Variants in AGBL4 observed in about 807,000 individuals in gnomAD.
AGBL4 encodes the protein AGBL carboxypeptidase 4.
A neutral mutation model predicts 66.4 loss-of-function variants in AGBL4; 58 were observed. That is an observed-to-expected ratio of 0.87 (90% CI 0.71 to 1.09). The LOEUF (loss-of-function observed/expected upper bound fraction) is 1.09, where lower values mean the gene tolerates loss of function less well. AGBL4 is among the 50% of genes least tolerant of loss of function. The pLI is 0.00. For missense variants in AGBL4, 579 were observed against 631.0 expected (o/e 0.92, Z 0.88); for synonymous variants, 234 against 222.9 (o/e 1.05, Z -0.44).
At chr1:49,396,433 T>C (rs1644976947) in intron 3 of AGBL4, among the ~76,000 whole-genome samples, 2 of 152,076 alleles carry the variant, frequency 1.3e-5, no homozygotes. Flanking sequence ...TGGAAAGTAG[T>C]GGAAGAAGTG....
chr1:50,003,017 G>A (rs546577391), intron 1 of AGBL4, among the ~76,000 whole-genome samples: 17 of 152,246 alleles, frequency 1.1e-4, no homozygotes, highest in African/African-American at 2.6e-4. Flanking sequence ...AGCTAACGTG[G>A]AGGAAAATGA....
At chr1:49,555,715 C>A (rs1416291253) in intron 3 of AGBL4, among the ~76,000 whole-genome samples, 4 of 150,354 alleles carry the variant, frequency 2.7e-5, no homozygotes, top group Admixed American at 6.6e-5. Context: ...AAAAGTGGGC[C>A]AAGGATATGA....
At chr1:49,750,185 A>C (rs1651336121) in intron 2 of AGBL4, among the ~76,000 whole-genome samples, 1 of 152,168 alleles carries the variant, frequency 6.6e-6, no homozygotes. Flanking sequence ...AATATACAAG[A>C]GCGGTATTAC....
chr1:49,364,580 C>T (rs1235347205), intron 3 of AGBL4, among the ~76,000 whole-genome samples: 1 of 151,928 alleles, frequency 6.6e-6, no homozygotes, highest in Non-Finnish European at 1.5e-5. Context: ...CAGGTTCAAG[C>T]GATTCTCATG....
intron 6 of AGBL4, among the ~76,000 whole-genome samples, chr1:48,764,302 T>C (rs1035758750): frequency 2.0e-5 from 3 of 152,226 alleles, no homozygotes; most frequent in Non-Finnish European, 4.4e-5. Flanking sequence ...TCCTCATCTA[T>C]GAATTGAAGT....
In AGBL4 at chr1:49,860,696, C is replaced by CA. The variant is rs1260948965; in HGVS notation, c.35-9179dup. On this transcript the variant is annotated intron_variant, in intron 1 of 13. Coordinates refer to ENST00000371839, the MANE Select transcript of AGBL4 (RefSeq NM_032785.4). ...CCTGAGTGTCAGACAGATGCTGTCTCAAAAAAATAGTAATAAGGAGGCAGA... is the reference window on the plus strand; with the variant it reads ...CCTGAGTGTCAGACAGATGCTGTCTCAAAAAAAATAGTAATAAGGAGGCAGA... Among the ~76,000 whole-genome samples the CA allele has an allele frequency of 3.4e-5, 5 of 147,532 alleles. No individual in the cohort carries two copies. In the East Asian group the frequency reaches 7.9e-4, roughly 23 times the overall value.
intron 5 of AGBL4, among the ~76,000 whole-genome samples, chr1:49,009,885 A>C (rs1445237023): frequency 1.3e-5 from 2 of 152,114 alleles, no homozygotes. Flanking sequence ...ATCTCAAAAT[A>C]ATAAGAGCTA....
chr1:48,590,857 G>A lies in AGBL4; in HGVS notation c.1080C>T (p.Cys360=). The change falls in exon 10 of 14, where the codon TGC becomes TGT. Residue 360 remains cysteine, a synonymous_variant. Transcript: ENST00000371839. ...QRQAIFPKLL[C]QNAEDFSYSS... ...CATAGGAGAAGTCCTCAGCATTCTG[G>A]CAGAGGAGCTTGGGAAAAATGGCCT... 6 of 1,604,004 alleles carry A rather than the reference G, an allele frequency of 3.7e-6. No homozygotes were observed. The highest frequency in any genetic ancestry group is 4.3e-6 in the Non-Finnish European group (5 of 1,175,182).
At chr1:48,978,327 G>A (rs1319977852) in intron 5 of AGBL4, among the ~76,000 whole-genome samples, 2 of 152,124 alleles carry the variant, frequency 1.3e-5, no homozygotes, top group African/African-American at 4.8e-5. Flanking sequence ...TTCCTGCTAG[G>A]TTCTGCCAAT....
intron 3 of AGBL4, among the ~76,000 whole-genome samples, chr1:49,620,971 G>A (rs1186376106): frequency 6.6e-6 from 1 of 151,824 alleles, no homozygotes; most frequent in African/African-American, 2.4e-5. Context: ...ATTGTTAATA[G>A]TTTGGACAAC....
intron 4 of AGBL4, among the ~76,000 whole-genome samples, chr1:49,202,087 C>T (rs1460261622): frequency 1.3e-5 from 2 of 152,068 alleles, no homozygotes; most frequent in African/African-American, 4.8e-5. Context: ...AGAATAACTG[C>T]TAATGCACAG....
chr1:49,916,472 G>T (rs920135753), intron 1 of AGBL4, among the ~76,000 whole-genome samples: 1 of 152,210 alleles, frequency 6.6e-6, no homozygotes, highest in Non-Finnish European at 1.5e-5. Context: ...TCAACTCAAA[G>T]AAAGGGTATC....
intron 3 of AGBL4, among the ~76,000 whole-genome samples, chr1:49,363,717 A>G (rs1197862251): frequency 6.6e-6 from 1 of 152,210 alleles, no homozygotes; most frequent in Non-Finnish European, 1.5e-5. Context: ...ACAGTCCATC[A>G]CATTCTCTAC....
At chr1:49,925,411 G>A (rs1370112219) in intron 1 of AGBL4, among the ~76,000 whole-genome samples, 1 of 152,162 alleles carries the variant, frequency 6.6e-6, no homozygotes, top group Non-Finnish European at 1.5e-5. Context: ...CAGGCTGTGG[G>A]TCTTGAGTGA....
At chr1:50,023,600 G>A (rs1269230354) in intron 1 of AGBL4, among the ~76,000 whole-genome samples, 163 bp downstream of exon 1, 3 of 152,154 alleles carry the variant, frequency 2.0e-5, no homozygotes, top group African/African-American at 7.2e-5. Flanking sequence ...CCATTCAGAG[G>A]GGTGCACGCC....
chr1:48,864,373 T>C (rs1235387888), intron 6 of AGBL4, among the ~76,000 whole-genome samples: 4 of 152,174 alleles, frequency 2.6e-5, no homozygotes, highest in African/African-American at 9.6e-5. Flanking sequence ...TGGAAAACAA[T>C]TGGTCATTAT....
At chr1:49,934,835 A>T (rs1230952529) in intron 1 of AGBL4, among the ~76,000 whole-genome samples, 2 of 151,944 alleles carry the variant, frequency 1.3e-5, no homozygotes, top group Non-Finnish European at 2.9e-5. Context: ...AAAAAAAAAA[A>T]AAAATAGGAG....
intron 5 of AGBL4, among the ~76,000 whole-genome samples, chr1:49,045,085 T>C (rs1255235169): frequency 6.6e-6 from 1 of 152,168 alleles, no homozygotes; most frequent in Non-Finnish European, 1.5e-5. Context: ...CAGGAACTGA[T>C]GGATGACAGA....
chr1:48,616,521 A>G (rs1284478688), intron 9 of AGBL4, among the ~76,000 whole-genome samples: 1 of 152,206 alleles, frequency 6.6e-6, no homozygotes, highest in Non-Finnish European at 1.5e-5. Context: ...CTGATTCTGG[A>G]GTCAACTCTA....
Sources: allele counts gnomAD v4.1 joint callset (sites outside exome capture counted in the v4.1 genomes callset), GRCh38; gene constraint gnomAD v4.1.1; transcripts MANE v1.5; gene names NCBI Gene and HGNC (gene_info 2026-07-23, HGNC 2026-07-21).